CAMTA1: variants seen among roughly 807,000 people sequenced by gnomAD.
CAMTA1 encodes the protein calmodulin-binding transcription activator 1.
In CAMTA1, 27 loss-of-function variants were observed where a neutral mutation model predicts 170.9. That is an observed-to-expected ratio of 0.16 (90% CI 0.12 to 0.22). The LOEUF is 0.22. Among genes scored for constraint, CAMTA1 ranks in the 10% least tolerant of loss-of-function variants. The pLI, the probability that CAMTA1 is intolerant of heterozygous loss-of-function variation, is 1.00. For missense variants in CAMTA1, 1,619 were observed against 2,217.2 expected, an observed-to-expected ratio of 0.73 and a Z score of 5.42; for synonymous variants, 833 against 891.5, an observed-to-expected ratio of 0.93 and a Z score of 1.17.
At position 7,007,591 on chromosome 1, in the gene CAMTA1, T is replaced by A. The variant is rs1481881720; in HGVS notation, c.235-83713T>A. Among the ~76,000 whole-genome samples the A allele has an allele frequency of 6.6e-6, 1 of 151,960 alleles. No homozygotes were observed. Among genetic ancestry groups the A allele is most frequent in the East Asian group, 1.9e-4 (1 of 5,164 alleles). On this transcript the variant is annotated intron_variant, in intron 3 of 22. Coordinates refer to ENST00000303635, the MANE Select transcript of CAMTA1 (RefSeq NM_015215.4). This position sits in a 1 kb window ranked among gnomAD's most constrained non-coding sequence, Gnocchi z 4.5. ...TTCAGCCCTTACTCGCCTCCTCCAA[T>A]CCCAAACTCCTCCCATCCTCAGGTG...
At chr1:7,243,721 G>C (rs1665287378) in intron 4 of CAMTA1, among the ~76,000 whole-genome samples, 1 of 152,062 alleles carries the variant, frequency 6.6e-6, no homozygotes, top group Admixed American at 6.5e-5. Context: ...GCTCTTTTTT[G>C]GTTCCATATG....
At chr1:7,265,533 C>T (rs900124186) in intron 5 of CAMTA1, among the ~76,000 whole-genome samples, 8 of 152,218 alleles carry the variant, frequency 5.3e-5, no homozygotes, top group Middle Eastern at 3.4e-3. Flanking sequence ...AGGCTGGTCT[C>T]GAACTCCTGA....
At chr1:7,159,403 C>T (rs1309939538) in intron 4 of CAMTA1, among the ~76,000 whole-genome samples, 1 of 152,046 alleles carries the variant, frequency 6.6e-6, no homozygotes, top group Non-Finnish European at 1.5e-5. Context: ...TCTACTTCTC[C>T]AGCCCAAACA....
intron 5 of CAMTA1, among the ~76,000 whole-genome samples, chr1:7,337,878 C>A (rs1164643998): frequency 6.6e-6 from 1 of 152,140 alleles, no homozygotes; most frequent in Non-Finnish European, 1.5e-5. Context: ...ACCCGAATTT[C>A]CAGCCCGCTT....
chr1:7,155,487 T>C (rs1357961889), intron 4 of CAMTA1, among the ~76,000 whole-genome samples: 2 of 148,976 alleles, frequency 1.3e-5, no homozygotes, highest in Non-Finnish European at 3.0e-5. Flanking sequence ...GCCTGACCTG[T>C]CATTAACGAG....
At chr1:7,757,997 C>A (rs2096943387) in intron 22 of CAMTA1, among the ~76,000 whole-genome samples, 1 of 151,292 alleles carries the variant, frequency 6.6e-6, no homozygotes, top group East Asian at 2.0e-4. Context: ...GGACAAAAAT[C>A]TCCATTTCTC....
chr1:7,023,979 A>C lies in CAMTA1; in HGVS notation c.235-67325A>C, dbSNP rs535469125. 8.0e-5 allele frequency among the ~76,000 whole-genome samples: 12 copies of C among 150,584 alleles called. No homozygotes were observed. In the East Asian group the frequency reaches 2.3e-3, roughly 29 times the overall value. ...GCGGGGTGGAGCTTGCAGTGAGCCA[A>C]GATTGCGCCACGGCACTGCAGCCTG... On this transcript the variant is annotated intron_variant, in intron 3 of 22. Coordinates refer to ENST00000303635, the MANE Select transcript of CAMTA1 (RefSeq NM_015215.4).
intron 3 of CAMTA1, among the ~76,000 whole-genome samples, chr1:6,881,675 G>A (rs1007216575): frequency 2.0e-5 from 3 of 152,130 alleles, no homozygotes; most frequent in African/African-American, 2.4e-5. Context: ...ATGACAGAAA[G>A]GATCATTCTG....
intron 3 of CAMTA1, among the ~76,000 whole-genome samples, chr1:6,942,929 A>G (rs1285104839): frequency 1.3e-5 from 2 of 152,158 alleles, no homozygotes; most frequent in Non-Finnish European, 2.9e-5. Flanking sequence ...CTCTGGGCCG[A>G]GCAGGGCATG....
At chr1:7,160,465 A>G (rs1344781445) in intron 4 of CAMTA1, among the ~76,000 whole-genome samples, 1 of 150,778 alleles carries the variant, frequency 6.6e-6, no homozygotes, top group East Asian at 1.9e-4. Flanking sequence ...GGACACTCTG[A>G]GCCCCGTTTT....
intron 4 of CAMTA1, among the ~76,000 whole-genome samples, chr1:7,237,957 A>C (rs1664189068): frequency 6.6e-6 from 1 of 152,250 alleles, no homozygotes; most frequent in Admixed American, 6.5e-5. Context: ...GAGACCAAGT[A>C]ATTTGTTCAA....
rs545776021 is a variant in CAMTA1 at position 7,069,262 on chromosome 1, C to T, written c.235-22042C>T. Among the ~76,000 whole-genome samples, 6 of 152,338 alleles carry T rather than the reference C, an allele frequency of 3.9e-5. No homozygotes were observed. In the South Asian group the frequency reaches 1.2e-3, roughly 32 times the overall value. Reference sequence around the variant, plus strand: ...ATGCAGAAGGTGGTTGTTGCTTCGTCTCACCTAGCCCTCCCAGAGACCCTC... The same window carrying T: ...ATGCAGAAGGTGGTTGTTGCTTCGTTTCACCTAGCCCTCCCAGAGACCCTC... On this transcript the variant is annotated intron_variant, in intron 3 of 22. Coordinates refer to ENST00000303635, the MANE Select transcript of CAMTA1 (RefSeq NM_015215.4).
intron 1 of CAMTA1, among the ~76,000 whole-genome samples, chr1:6,785,874 A>AGCCGGCGGAGG (rs1553141276): frequency 7.0e-6 from 1 of 143,546 alleles, no homozygotes; most frequent in African/African-American, 2.6e-5. Flanking sequence ...GAGGAGGAGG[A>AGCCGGCGGAGG]GCCGGCGGAG....
intron 3 of CAMTA1, among the ~76,000 whole-genome samples, chr1:6,936,539 CTT>C (rs1685336235): frequency 6.6e-6 from 1 of 152,018 alleles, no homozygotes; most frequent in East Asian, 1.9e-4. Flanking sequence ...TTCTCCTGAC[CTT>C]CTCTTTGATG....
At chr1:7,340,438 T>G (rs2083715579) in intron 5 of CAMTA1, among the ~76,000 whole-genome samples, 1 of 152,086 alleles carries the variant, frequency 6.6e-6, no homozygotes, top group South Asian at 2.1e-4. Context: ...CCCTGTCAGA[T>G]GCAGACATGT....
chr1:6,858,515 C>T (rs1663371735), intron 3 of CAMTA1, among the ~76,000 whole-genome samples: 1 of 145,760 alleles, frequency 6.9e-6, no homozygotes. Flanking sequence ...TTGTTTTATG[C>T]CCATTACAGA....
intron 5 of CAMTA1, among the ~76,000 whole-genome samples, chr1:7,429,429 A>G (rs1487086156): frequency 6.6e-6 from 1 of 151,968 alleles, no homozygotes; most frequent in African/African-American, 2.4e-5. Context: ...TGATGATTAT[A>G]TCAATGATGG....
intron 3 of CAMTA1, among the ~76,000 whole-genome samples, chr1:6,891,798 A>G (rs1169362316): frequency 6.6e-6 from 1 of 151,622 alleles, no homozygotes; most frequent in Non-Finnish European, 1.5e-5. Context: ...TGAAAAAAAT[A>G]GTAGCAGCTC....
chr1:7,692,793 CA>C (rs1255867810), intron 11 of CAMTA1, among the ~76,000 whole-genome samples: 6 of 152,196 alleles, frequency 3.9e-5, no homozygotes, highest in African/African-American at 7.2e-5. Context: ...CCCGTCCACC[CA>C]CCTGTCATTC....
Sources: gnomAD v4.1 joint callset for allele counts (sites outside exome capture counted in the v4.1 genomes callset) on GRCh38, gnomAD v4.1.1 for gene constraint, Gnocchi (gnomAD v3.1) non-coding constraint, MANE v1.5 for transcripts, NCBI Gene and HGNC (gene_info 2026-07-23, HGNC 2026-07-21) for gene names.